The following UQCC6 variants were observed in gnomAD, a reference collection of about 807,000 sequenced individuals.
The protein encoded by UQCC6 is ubiquinol-cytochrome c reductase complex assembly factor 6.
chr12:103,965,082 C>T, the UQCC6 span, among the ~76,000 whole-genome samples: 3 of 152,208 alleles, frequency 2.0e-5, no homozygotes, highest in Non-Finnish European at 4.4e-5. Flanking sequence ...ACAAATACAG[C>T]AGCCATGTTT....
At chr12:103,956,409 G>A in the UQCC6 span, 1 of 497,590 alleles carries the variant, frequency 2.0e-6, no homozygotes, top group Non-Finnish European at 3.6e-6. Flanking sequence ...AGACCTCACA[G>A]GCCATGCATT....
the UQCC6 span, among the ~76,000 whole-genome samples, chr12:103,957,892 AAT>A: frequency 3.5e-5 from 4 of 115,224 alleles, no homozygotes; most frequent in East Asian, 2.6e-4. Context: ...CTCTACTAAA[AAT>A]ATATATATAT....
the UQCC6 span, chr12:103,953,665 A>T: frequency 3.0e-6 from 2 of 675,978 alleles, no homozygotes; most frequent in South Asian, 3.2e-5. Flanking sequence ...CTGGGCCTTC[A>T]AGTTCCTACA....
chr12:103,955,079 C>G, the UQCC6 span: 1 of 618,808 alleles, frequency 1.6e-6, no homozygotes, highest in Non-Finnish European at 2.9e-6. Flanking sequence ...CTTTGGGAGG[C>G]AGAGGCGGGC....
the UQCC6 span, chr12:103,951,315 A>C: frequency 2.3e-6 from 1 of 426,468 alleles, no homozygotes. Flanking sequence ...AACCATATTC[A>C]TGAAATGGTT....
the UQCC6 span, chr12:103,950,447 G>C: frequency 6.6e-6 from 1 of 152,218 alleles, no homozygotes; most frequent in African/African-American, 2.4e-5. Flanking sequence ...GTGCTGAAGT[G>C]GCCAGGCCTT....
the UQCC6 span, among the ~76,000 whole-genome samples, chr12:103,954,343 T>C: frequency 6.6e-6 from 1 of 151,966 alleles, no homozygotes; most frequent in Non-Finnish European, 1.5e-5. Context: ...TATTTGGCTC[T>C]TGGTTCTGCA....
chr12:103,963,034 G>T, the UQCC6 span, among the ~76,000 whole-genome samples: 1 of 150,380 alleles, frequency 6.6e-6, no homozygotes. Context: ...CTATTCTGTT[G>T]CACTGATATA....
At chr12:103,961,681 C>T in the UQCC6 span, among the ~76,000 whole-genome samples, 1 of 151,950 alleles carries the variant, frequency 6.6e-6, no homozygotes, top group Non-Finnish European at 1.5e-5. Flanking sequence ...CTCAGCCTCC[C>T]GAGTAGCTGG....
At chr12:103,958,823 TC>T in the UQCC6 span, among the ~76,000 whole-genome samples, 19 of 152,360 alleles carry the variant, frequency 1.2e-4, no homozygotes, top group Middle Eastern at 6.8e-3. Context: ...GGTTACAACT[TC>T]TGTTCTCAGA....
chr12:103,954,329 A>ATAGAG, the UQCC6 span, among the ~76,000 whole-genome samples: 1 of 151,782 alleles, frequency 6.6e-6, no homozygotes, highest in Admixed American at 6.6e-5. Flanking sequence ...TTTATAAAGA[A>ATAGAG]GTTTATTTGG....
chr12:103,959,196 ATT>A, the UQCC6 span, among the ~76,000 whole-genome samples: 1 of 152,216 alleles, frequency 6.6e-6, no homozygotes, highest in African/African-American at 2.4e-5. Flanking sequence ...CAGGTGGTCC[ATT>A]CTTACTCTTT....
chr12:103,959,414 T>C, the UQCC6 span, among the ~76,000 whole-genome samples: 1 of 152,196 alleles, frequency 6.6e-6, no homozygotes, highest in Non-Finnish European at 1.5e-5. Context: ...TATATTTAAC[T>C]TTTTAAGAAA....
At chr12:103,951,156 A>G in the UQCC6 span, 1,254 of 159,186 alleles carry the variant, frequency 7.9e-3, 20 homozygotes, top group African/African-American at 0.027. Context: ...CAGTTTAGCA[A>G]TGAGAAATAA....
the UQCC6 span, among the ~76,000 whole-genome samples, chr12:103,960,365 C>T: frequency 6.6e-6 from 1 of 152,186 alleles, no homozygotes; most frequent in African/African-American, 2.4e-5. Flanking sequence ...TGAGCCACCG[C>T]ACCCGGCCAA....
chr12:103,951,525 A>AT, the UQCC6 span: 5 of 1,496,712 alleles, frequency 3.3e-6, no homozygotes, highest in South Asian at 5.0e-5. Context: ...TGGCATAGTT[A>AT]TTTAAGTTCC....
the UQCC6 span, chr12:103,955,610 C>T: frequency 2.6e-6 from 1 of 378,346 alleles, no homozygotes; most frequent in Non-Finnish European, 5.2e-6. Flanking sequence ...CCAACCTGGG[C>T]AACAGAATGA....
chr12:103,957,279 A>C, the UQCC6 span: 137,478 of 151,902 alleles, frequency 0.91, 62,284 homozygotes, highest in East Asian at 1. Context: ...CGTGACGCAG[A>C]GGAGGTGGGG....
the UQCC6 span, among the ~76,000 whole-genome samples, chr12:103,961,253 TGTGTGTTTTAAGCTAA>T: frequency 6.8e-6 from 1 of 146,642 alleles, no homozygotes; most frequent in Admixed American, 6.7e-5. Flanking sequence ...AGCTGTACAA[TGTGTGTTTTAAGCTAA>T]GTGTTATTAC....
Sources: allele counts gnomAD v4.1 joint callset (sites outside exome capture counted in the v4.1 genomes callset), GRCh38; gene constraint gnomAD v4.1.1; transcripts MANE v1.5; gene names NCBI Gene and HGNC (gene_info 2026-07-23, HGNC 2026-07-21).